The following ZNF274 variants were observed in gnomAD, a reference collection of about 807,000 sequenced individuals.
The protein encoded by ZNF274 is neurotrophin receptor-interacting factor homolog.
In ZNF274, 23 loss-of-function variants were observed where a neutral mutation model predicts 42.5. That is an observed-to-expected ratio of 0.54 (90% CI 0.39 to 0.77). The LOEUF (loss-of-function observed/expected upper bound fraction) is 0.77, where lower values mean the gene tolerates loss of function less well. Ranked by LOEUF, ZNF274 falls within the 30% of genes least tolerant of loss-of-function variation. ZNF274 has a pLI of 0.00. For missense variants in ZNF274, 679 were observed against 806.5 expected, an observed-to-expected ratio of 0.84 and a Z score of 1.91; for synonymous variants, 292 against 305.4, an observed-to-expected ratio of 0.96 and a Z score of 0.46.
At position 58,211,506 on chromosome 19, in the gene ZNF274, A is replaced by G. The variant is rs1230672629; in HGVS notation, c.853-54A>G. On this transcript the variant is annotated intron_variant, in intron 6 of 7. Coordinates refer to ENST00000617501, the MANE Select transcript of ZNF274 (RefSeq NM_133502.3). This position sits in a 1 kb window ranked among gnomAD's most constrained non-coding sequence, Gnocchi z 4.8. ...CCCAGCTGGCCTTTCTTCTGCCCTC[A>G]TTGACAACCCTCTGACCCTCTTGCT... is the stretch of plus-strand genomic sequence containing the variant. 1.3e-6 allele frequency: 2 copies of G among 1,563,132 alleles called. No homozygotes were observed. Among genetic ancestry groups the G allele is most frequent in the African/African-American group, 2.7e-5 (2 of 73,540 alleles).
intron 6 of ZNF274, chr19:58,210,315 A>G (rs1271319314): frequency 7.1e-6 from 3 of 421,696 alleles, no homozygotes; most frequent in Non-Finnish European, 8.7e-6. Context: ...AGCAGGAGGC[A>G]AGAGGGAAGG....
Position 58,213,403 on chromosome 19 carries a change from G to T in ZNF274, c.*260G>T. 2 of 406,162 alleles carry T rather than the reference G, an allele frequency of 4.9e-6. No individual in the cohort carries two copies. The highest frequency in any genetic ancestry group is 8.7e-6 in the Non-Finnish European group (2 of 231,166). The allele number at this position is 406,162 out of a possible 1,614,324, so 25.2% of individuals were successfully genotyped here. A position where few individuals can be genotyped will look rare whatever the true frequency, so the allele number is the denominator to read the frequency against. ...GTTCACTCATTTAGTCATTAAAAGT[G>T]AGATTAATAAAATCTGAAAATGTTA... On this transcript the variant is annotated 3_prime_UTR_variant, in exon 8 of 8. Coordinates refer to ENST00000617501, the MANE Select transcript of ZNF274 (RefSeq NM_133502.3).
chr19:58,195,350 A>G (rs114215266), intron 4 of ZNF274, among the ~76,000 whole-genome samples: 1 of 152,308 alleles, frequency 6.6e-6, no homozygotes, highest in African/African-American at 2.4e-5. Context: ...GATGAATGAG[A>G]AGGCACCATA....
rs531779294 is a variant in ZNF274, at chr19:58,208,936, T to C, written c.740-1025T>C. The C allele has an allele frequency of 2.2e-4, 34 of 152,348 alleles. 1 individual carries two copies. The highest frequency in any genetic ancestry group is 7.5e-4 in the African/African-American group (31 of 41,580). The allele number at this position is 152,348 out of a possible 1,614,324, so 9.4% of individuals were successfully genotyped here. ...CCACAGAAGACAATGGGAAGAGGCT[T>C]TCCAGAGAACCCTGAGAATCTCACA... On this transcript the variant is annotated intron_variant, in intron 5 of 7. Coordinates refer to ENST00000617501, the MANE Select transcript of ZNF274 (RefSeq NM_133502.3). The surrounding 1 kb of genome is among the most constrained non-coding windows in gnomAD (Gnocchi z 4.5).
At chr19:58,205,005 A>AGAT (rs1232371407) in intron 4 of ZNF274, among the ~76,000 whole-genome samples, 2 of 152,328 alleles carry the variant, frequency 1.3e-5, no homozygotes, top group African/African-American at 4.8e-5. Context: ...ATTGGCAGTC[A>AGAT]TCTAAGTCCT....
intron 4 of ZNF274, among the ~76,000 whole-genome samples, chr19:58,195,227 GTA>G (rs1491074058): frequency 1.4e-5 from 2 of 142,874 alleles, no homozygotes; most frequent in Admixed American, 1.4e-4. Flanking sequence ...ATATGTGTGT[GTA>G]TATATGTGTG....
At chr19:58,188,071 C>T (rs2075721136) in intron 4 of ZNF274, among the ~76,000 whole-genome samples, 1 of 152,090 alleles carries the variant, frequency 6.6e-6, no homozygotes, top group African/African-American at 2.4e-5. Context: ...TTTGATTTTT[C>T]TTCTTTTGGT....
intron 3 of ZNF274, among the ~76,000 whole-genome samples, chr19:58,186,499 G>A: frequency 7.5e-6 from 1 of 133,494 alleles, no homozygotes; most frequent in African/African-American, 2.9e-5. Flanking sequence ...TCAGATCACA[G>A]CACTCCAGCT....
Position 58,212,387 on chromosome 19 carries a change from C to T in ZNF274, c.1206C>T (p.Asn402=), listed in dbSNP as rs558390026. 2 of 1,613,878 alleles carry T rather than the reference C, an allele frequency of 1.2e-6. No homozygotes were observed. The highest frequency in any genetic ancestry group is 1.1e-5 in the South Asian group (1 of 91,076). The change falls in exon 8 of 8, where the codon AAC becomes AAT. Residue 402 remains asparagine (N), a synonymous_variant. Transcript: ENST00000617501. The surrounding 1 kb of genome is among the most constrained non-coding windows in gnomAD (Gnocchi z 4.6). ...KDLPQKKHFD[N]RESQANSGAL... Reference sequence around the variant, plus strand: ...TTCCTCAGAAGAAGCACTTTGACAACCGTGAGTCCCAGGCAAACAGTGGTG... The same window carrying T: ...TTCCTCAGAAGAAGCACTTTGACAATCGTGAGTCCCAGGCAAACAGTGGTG...
At chr19:58,188,615 A>AT (rs1568697348) in intron 4 of ZNF274, among the ~76,000 whole-genome samples, 52 of 58,860 alleles carry the variant, frequency 8.8e-4, no homozygotes, top group African/African-American at 3.4e-3. Context: ...CAAAAAAAAA[A>AT]AAAAAATATA....
intron 4 of ZNF274, among the ~76,000 whole-genome samples, chr19:58,194,979 C>T (rs527849804): frequency 2.8e-4 from 42 of 150,876 alleles, no homozygotes; most frequent in South Asian, 2.3e-3. Flanking sequence ...CCAGCCTGGG[C>T]GACAGAGTGA....
chr19:58,206,360 G>A (rs2075978295), intron 4 of ZNF274, among the ~76,000 whole-genome samples: 1 of 152,138 alleles, frequency 6.6e-6, no homozygotes, highest in Non-Finnish European at 1.5e-5. Flanking sequence ...TGGCTATTAT[G>A]GATAACACTT....
chr19:58,188,620 A>AAATATAT (rs1555816813), intron 4 of ZNF274, among the ~76,000 whole-genome samples: 3 of 70,356 alleles, frequency 4.3e-5, no homozygotes, highest in East Asian at 6.2e-4. Flanking sequence ...AAAAAAAAAA[A>AAATATAT]ATATATATAT....
At chr19:58,188,577 C>T (rs910807628) in intron 4 of ZNF274, among the ~76,000 whole-genome samples, 1 of 140,482 alleles carries the variant, frequency 7.1e-6, no homozygotes, top group African/African-American at 2.7e-5. Context: ...GAGATCATGC[C>T]ACTGCGTGAC....
At chr19:58,200,197 T>C (rs2075893982) in intron 4 of ZNF274, among the ~76,000 whole-genome samples, 1 of 152,228 alleles carries the variant, frequency 6.6e-6, no homozygotes, top group African/African-American at 2.4e-5. Flanking sequence ...CCTGCTTTCA[T>C]TGGGCCTACA....
Position 58,184,010 on chromosome 19 carries a change from C to G in ZNF274, c.33+12C>G. ...CGGCCTGGTCCTGTGTGAGTAGAGG[C>G]TTCCTTCAGCTTTTGAGTCCGCTAC... On this transcript the variant is annotated intron_variant, in intron 2 of 7. Transcript: ENST00000617501. The G allele has an allele frequency of 6.3e-7, 1 of 1,587,810 alleles. No individual in the cohort carries two copies. The highest frequency in any genetic ancestry group is 8.6e-7 in the Non-Finnish European group (1 of 1,166,890).
At chr19:58,192,711 G>C (rs1488757921) in intron 4 of ZNF274, among the ~76,000 whole-genome samples, 3 of 152,110 alleles carry the variant, frequency 2.0e-5, no homozygotes, top group African/African-American at 7.2e-5. Context: ...AGGAAAAAAA[G>C]TTTGCACATG....
At chr19:58,192,723 T>G (rs567019932) in intron 4 of ZNF274, among the ~76,000 whole-genome samples, 3 of 152,170 alleles carry the variant, frequency 2.0e-5, no homozygotes, top group Non-Finnish European at 4.4e-5. Context: ...TTGCACATGT[T>G]CAGTACATTT....
intron 4 of ZNF274, 73 bp from the exon 5 acceptor site, chr19:58,206,647 C>T (rs2075980946): frequency 1.4e-6 from 2 of 1,465,244 alleles, no homozygotes; most frequent in South Asian, 2.8e-5. Context: ...TTGCATTTCC[C>T]TAGTGAATAA....
Sources: gnomAD v4.1 joint callset for allele counts (sites outside exome capture counted in the v4.1 genomes callset) on GRCh38, gnomAD v4.1.1 for gene constraint, Gnocchi (gnomAD v3.1) non-coding constraint, MANE v1.5 for transcripts, NCBI Gene and HGNC (gene_info 2026-07-23, HGNC 2026-07-21) for gene names.